The following AFG1L variants were observed in gnomAD, a reference collection of about 807,000 sequenced individuals.
AFG1L encodes AFG1-like ATPase.
Under a neutral mutation model 62.2 loss-of-function variants are expected in AFG1L, and 53 were observed. The observed-to-expected ratio is 0.85, with a 90% CI of 0.68 to 1.07. The LOEUF (loss-of-function observed/expected upper bound fraction) is 1.07, where lower values mean the gene tolerates loss of function less well. Ranked by LOEUF, AFG1L falls within the 50% of genes least tolerant of loss-of-function variation. The pLI, the probability that AFG1L is intolerant of heterozygous loss-of-function variation, is 0.00. For synonymous variants in AFG1L, 228 were observed against 210.3 expected (o/e 1.08, Z -0.73); for missense variants, 555 against 590.5 (o/e 0.94, Z 0.62).
intron 2 of AFG1L, among the ~76,000 whole-genome samples, chr6:108,329,272 T>C (rs1778176411): frequency 6.6e-6 from 1 of 151,366 alleles, no homozygotes; most frequent in Non-Finnish European, 1.5e-5. Context: ...AAATCTTTAT[T>C]TTAAATAAAG....
In AFG1L at chr6:108,398,667, G is replaced by C. The variant is rs530169204; in HGVS notation, c.749-3329G>C. Among the ~76,000 whole-genome samples the C allele has an allele frequency of 2.6e-5, 4 of 152,202 alleles. No individual in the cohort carries two copies. In the East Asian group the frequency reaches 7.7e-4, roughly 29 times the overall value. On this transcript the variant is annotated intron_variant, in intron 6 of 12. Transcript: ENST00000368977. ...GGTCTAGTCTCATTCTTCTGCATAT[G>C]GATATCCAGTTTTTCCAGCACTGTT...
intron 5 of AFG1L, among the ~76,000 whole-genome samples, chr6:108,358,263 G>A (rs1430031212): frequency 6.6e-6 from 1 of 152,116 alleles, no homozygotes; most frequent in Non-Finnish European, 1.5e-5. Context: ...AAATAAAACT[G>A]AACTGGCATA....
chr6:108,351,490 G>A (rs986930698), intron 3 of AFG1L, among the ~76,000 whole-genome samples: 3 of 152,072 alleles, frequency 2.0e-5, no homozygotes, highest in African/African-American at 7.2e-5. Flanking sequence ...ATTTTTTTGT[G>A]TGTATACAAT....
At chr6:108,514,313 A>T (rs1204029806) in intron 11 of AFG1L, among the ~76,000 whole-genome samples, 1 of 151,976 alleles carries the variant, frequency 6.6e-6, no homozygotes, top group African/African-American at 2.4e-5. Context: ...GGCAGAAACT[A>T]CAAGCCAGAA....
intron 7 of AFG1L, among the ~76,000 whole-genome samples, chr6:108,405,943 T>A (rs114734252): frequency 6.6e-6 from 1 of 152,254 alleles, no homozygotes; most frequent in Non-Finnish European, 1.5e-5. Flanking sequence ...TTATGCATGT[T>A]GTAACATGTG....
intron 2 of AFG1L, among the ~76,000 whole-genome samples, chr6:108,337,201 C>T (rs111358785): frequency 0.019 from 2,839 of 152,308 alleles, 46 homozygotes; most frequent in Middle Eastern, 0.071. Context: ...TGAACTACCT[C>T]AAGCTAATAG....
chr6:108,375,103 T>G (rs1388682689), intron 6 of AFG1L, among the ~76,000 whole-genome samples: 3 of 152,172 alleles, frequency 2.0e-5, no homozygotes, highest in Non-Finnish European at 4.4e-5. Flanking sequence ...CAAATGGGAT[T>G]GCATTCTTGA....
chr6:108,452,899 C>G (rs149013546), intron 8 of AFG1L, among the ~76,000 whole-genome samples: 206 of 152,246 alleles, frequency 1.4e-3, no homozygotes, highest in African/African-American at 4.8e-3. Flanking sequence ...ATAAGCAAGT[C>G]TGCTTTTTGT....
At position 108,314,680 on chromosome 6, in the gene AFG1L, G is replaced by A. The variant is rs187511779; in HGVS notation, c.140-9145G>A. On this transcript the variant is annotated intron_variant, in intron 1 of 12. Transcript: ENST00000368977. ...TCCCAAAATTGCTAGGATTACAGGCGTGAGCCACCACTCCAAACCCCTTCT... is the reference window on the plus strand; with the variant it reads ...TCCCAAAATTGCTAGGATTACAGGCATGAGCCACCACTCCAAACCCCTTCT... 3.3e-5 allele frequency among the ~76,000 whole-genome samples: 5 copies of A among 151,976 alleles called. No individual in the cohort carries two copies. In the East Asian group the frequency reaches 5.8e-4, roughly 18 times the overall value.
chr6:108,397,821 A>T (rs140135870), intron 6 of AFG1L, among the ~76,000 whole-genome samples: 8 of 152,222 alleles, frequency 5.3e-5, no homozygotes, highest in African/African-American at 1.9e-4. Context: ...TCCACTTTGT[A>T]TAAATAACAC....
At chr6:108,357,997 A>G (rs1779362049) in intron 5 of AFG1L, among the ~76,000 whole-genome samples, 1 of 152,248 alleles carries the variant, frequency 6.6e-6, no homozygotes, top group Non-Finnish European at 1.5e-5. Flanking sequence ...AATAAGACAG[A>G]CTGGACTCAC....
At chr6:108,350,322 T>TA (rs964308350) in intron 3 of AFG1L, among the ~76,000 whole-genome samples, 2 of 151,346 alleles carry the variant, frequency 1.3e-5, no homozygotes, top group African/African-American at 4.9e-5. Flanking sequence ...TTTTTTTTTT[T>TA]AAGAAAAATT....
At chr6:108,361,827 C>CT (rs1054640070) in intron 5 of AFG1L, among the ~76,000 whole-genome samples, 5 of 152,200 alleles carry the variant, frequency 3.3e-5, no homozygotes, top group African/African-American at 1.2e-4. Context: ...GACCCCCACA[C>CT]TTCTGGTGCC....
intron 10 of AFG1L, among the ~76,000 whole-genome samples, chr6:108,490,929 T>A (rs1318966287): frequency 6.6e-6 from 1 of 152,234 alleles, no homozygotes; most frequent in Admixed American, 6.5e-5. Context: ...GCACTGCTGT[T>A]TATTATCTGA....
At chr6:108,297,501 T>C (rs1776810009) in intron 1 of AFG1L, among the ~76,000 whole-genome samples, 2 of 152,144 alleles carry the variant, frequency 1.3e-5, no homozygotes, top group Non-Finnish European at 2.9e-5. Flanking sequence ...TCCTGTTTTT[T>C]TGGGGGGGTA....
chr6:108,324,162 C>T (rs1388227399), intron 2 of AFG1L, 114 bp downstream of exon 2: 1 of 694,874 alleles, frequency 1.4e-6, no homozygotes. Context: ...TTCACCAGTT[C>T]CTTTACACAA....
chr6:108,323,732 T>C, intron 1 of AFG1L, 93 bp from the exon 2 acceptor site: 4 of 790,492 alleles, frequency 5.1e-6, no homozygotes, highest in Middle Eastern at 2.4e-4. Context: ...TACTTGTAAC[T>C]AGTTAAAAGT....
At chr6:108,372,105 A>ATG (rs1562115565) in intron 6 of AFG1L, among the ~76,000 whole-genome samples, 3 of 151,522 alleles carry the variant, frequency 2.0e-5, no homozygotes, top group African/African-American at 4.9e-5. Context: ...ACTATTATGT[A>ATG]TGTATATATA....
Position 108,418,023 on chromosome 6 carries a change from G to A in AFG1L, c.807+15969G>A, listed in dbSNP as rs375686677. On this transcript the variant is annotated intron_variant, in intron 7 of 12. Coordinates refer to ENST00000368977, the MANE Select transcript of AFG1L (RefSeq NM_145315.5). ...AATTTTTTGTATTTTTAGTAGAGAC[G>A]GGGGTTCATCATGTTAGCCAGGATG... 1.8e-4 allele frequency among the ~76,000 whole-genome samples: 27 copies of A among 152,096 alleles called. No homozygotes were observed. The South Asian group carries it at 5.2e-3, about 29-fold the overall frequency.
Sources: gnomAD v4.1 joint callset for allele counts (sites outside exome capture counted in the v4.1 genomes callset) on GRCh38, gnomAD v4.1.1 for gene constraint, MANE v1.5 for transcripts, NCBI Gene and HGNC (gene_info 2026-07-23, HGNC 2026-07-21) for gene names.